Variants in HEATR5B observed in about 807,000 individuals in gnomAD.
The protein encoded by HEATR5B is HEAT repeat-containing protein 5B.
Under a neutral mutation model 224.1 loss-of-function variants are expected in HEATR5B, and 156 were observed. The observed-to-expected ratio is 0.70, with a 90% confidence interval of 0.61 to 0.80. The LOEUF is 0.80. HEATR5B is among the 30% of genes least tolerant of loss of function. The pLI, the probability that HEATR5B is intolerant of heterozygous loss-of-function variation, is 0.00. For synonymous variants in HEATR5B, 1,027 were observed against 893.0 expected (o/e 1.15, Z -2.68); for missense variants, 2,323 against 2,535.5 (o/e 0.92, Z 1.80).
chr2:37,023,358 G>A (rs1668580284), intron 24 of HEATR5B, among the ~76,000 whole-genome samples: 1 of 152,160 alleles, frequency 6.6e-6, no homozygotes, highest in South Asian at 2.1e-4. Context: ...TGATCCCCAA[G>A]CAGTTCCTAT....
In HEATR5B at chr2:37,005,738, C is replaced by T. The variant is rs1041914432; in HGVS notation, c.4799G>A (p.Cys1600Tyr). ...LILGVSIQFL[C>Y]SPRPEEPIEH... ...AATGGGCTCCTCAGGTCTAGGGGAA[C>T]AAAGAAACTGTATACTCACACCTGA... Residue 1600 changes from cysteine (C) to tyrosine (Y), a missense_variant, in exon 30 of 36, where the codon TGT becomes TAT. Physicochemically the swap from Cys to Tyr is radical, Grantham distance 194. Transcript: ENST00000233099. 6.3e-7 allele frequency: 1 copy of T among 1,595,450 alleles called. No homozygotes were observed. The highest frequency in any genetic ancestry group is 1.2e-5 in the South Asian group (1 of 86,860).
intron 35 of HEATR5B, among the ~76,000 whole-genome samples, chr2:36,987,725 T>C (rs976112903): frequency 6.6e-6 from 1 of 152,188 alleles, no homozygotes; most frequent in African/African-American, 2.4e-5. Flanking sequence ...CTGGTTATAT[T>C]TGTTATAAAG....
chr2:37,017,162 C>T (rs1668168345), intron 26 of HEATR5B, among the ~76,000 whole-genome samples: 1 of 152,126 alleles, frequency 6.6e-6, no homozygotes, highest in Admixed American at 6.6e-5. Context: ...GGCACGGTGG[C>T]TCACCTGAGG....
At chr2:37,080,801 G>A (rs1377624713) in intron 2 of HEATR5B, among the ~76,000 whole-genome samples, 2 of 151,728 alleles carry the variant, frequency 1.3e-5, no homozygotes, top group African/African-American at 2.4e-5. Flanking sequence ...GCCCTGAACT[G>A]AGGAAGAGTT....
At chr2:36,986,805 C>T (rs1048260963) in intron 35 of HEATR5B, among the ~76,000 whole-genome samples, 2 of 152,052 alleles carry the variant, frequency 1.3e-5, no homozygotes, top group Non-Finnish European at 2.9e-5. Context: ...TTAGTAGAGA[C>T]AGGGTTTCAT....
At chr2:37,054,286 C>T (rs576707713) in intron 16 of HEATR5B, among the ~76,000 whole-genome samples, 1 of 150,088 alleles carries the variant, frequency 6.7e-6, no homozygotes, top group East Asian at 2.0e-4. Context: ...TCTCCACCTC[C>T]CAGGTTCAAG....
At chr2:37,059,404 ATATG>A (rs1179285239) in intron 12 of HEATR5B, among the ~76,000 whole-genome samples, 304 of 106,968 alleles carry the variant, frequency 2.8e-3, no homozygotes, top group African/African-American at 8.5e-3. Context: ...ATATATATGT[ATATG>A]TGTGTGTGTG....
At chr2:36,998,868 C>T (rs1045258242) in intron 33 of HEATR5B, among the ~76,000 whole-genome samples, 3 of 151,858 alleles carry the variant, frequency 2.0e-5, no homozygotes, top group African/African-American at 7.3e-5. Context: ...ATAACTGACA[C>T]ATACTCATAT....
At chr2:36,997,402 T>C (rs1465106772) in intron 33 of HEATR5B, among the ~76,000 whole-genome samples, 1 of 152,000 alleles carries the variant, frequency 6.6e-6, no homozygotes, top group African/African-American at 2.4e-5. Context: ...TTGCCCAGAA[T>C]GGTCACAAAC....
intron 22 of HEATR5B, among the ~76,000 whole-genome samples, chr2:37,030,368 T>G (rs1669054093): frequency 6.6e-6 from 1 of 152,224 alleles, no homozygotes; most frequent in Admixed American, 6.5e-5. Flanking sequence ...ATAGTGAATA[T>G]TTTCCCATTT....
chr2:37,018,093 A>C (rs1297360630), intron 26 of HEATR5B, among the ~76,000 whole-genome samples: 1 of 152,200 alleles, frequency 6.6e-6, no homozygotes, highest in East Asian at 1.9e-4. Flanking sequence ...AGGAACTTGT[A>C]ACCTACTGCT....
At chr2:37,045,428 T>C (rs552216156) in intron 18 of HEATR5B, among the ~76,000 whole-genome samples, 13 of 152,196 alleles carry the variant, frequency 8.5e-5, no homozygotes, top group Non-Finnish European at 1.2e-4. Flanking sequence ...TAAGCTTTTT[T>C]AGGGTGGGTC....
chr2:37,001,636 T>G (rs1667096989), intron 32 of HEATR5B, among the ~76,000 whole-genome samples: 1 of 151,148 alleles, frequency 6.6e-6, no homozygotes, highest in South Asian at 2.1e-4. Context: ...AAAAAAAAAG[T>G]CTCCTCTGAC....
At chr2:37,022,575 A>G (rs919392531) in intron 24 of HEATR5B, among the ~76,000 whole-genome samples, 12 of 152,240 alleles carry the variant, frequency 7.9e-5, no homozygotes, top group Admixed American at 5.2e-4. Context: ...CTGTGCTCCA[A>G]TAAAACTTTA....
chr2:37,082,453 C>G (rs890837722), intron 2 of HEATR5B, among the ~76,000 whole-genome samples: 7 of 152,110 alleles, frequency 4.6e-5, no homozygotes, highest in Admixed American at 1.3e-4. Context: ...TGGGAACTGG[C>G]TCCAAAACTG....
chr2:37,059,402 G>GTA (rs1174989065), intron 12 of HEATR5B, among the ~76,000 whole-genome samples: 25 of 109,144 alleles, frequency 2.3e-4, no homozygotes, highest in African/African-American at 8.0e-4. Context: ...AGATATATAT[G>GTA]TATATGTGTG....
chr2:37,073,638 G>A (rs1348496964), intron 5 of HEATR5B, among the ~76,000 whole-genome samples: 1 of 152,168 alleles, frequency 6.6e-6, no homozygotes. Flanking sequence ...ACTACAAGAT[G>A]TTGCTAAGAG....
At chr2:37,029,456 G>T (rs946099848) in intron 22 of HEATR5B, among the ~76,000 whole-genome samples, 1 of 152,160 alleles carries the variant, frequency 6.6e-6, no homozygotes, top group Admixed American at 6.5e-5. Context: ...CTGAGATCAG[G>T]AGTTCGAGAC....
Position 37,013,880 on chromosome 2 carries a change from C to T in HEATR5B, c.4245G>A (p.Thr1415=), listed in dbSNP as rs1412726539. The T allele has an allele frequency of 9.3e-6, 15 of 1,609,796 alleles. No individual in the cohort carries two copies. Among genetic ancestry groups the T allele is most frequent in the Non-Finnish European group, 1.3e-5 (15 of 1,178,074 alleles). The change falls in exon 27 of 36, where the codon ACG becomes ACA. Residue 1415 remains threonine (T), a synonymous_variant. Coordinates refer to ENST00000233099, the MANE Select transcript of HEATR5B (RefSeq NM_019024.3). The stretch of plus-strand genomic sequence containing the variant: ...TGAGAACAGCCAGTTTTTCCATGGT[C>T]GTGGCACTCTCTCGGTACAGCTGGC... ...SSSQLYRESA[T]TMEKLAVLKA...
Sources: allele counts gnomAD v4.1 joint callset (sites outside exome capture counted in the v4.1 genomes callset), GRCh38; gene constraint gnomAD v4.1.1; transcripts MANE v1.5; gene names NCBI Gene and HGNC (gene_info 2026-07-23, HGNC 2026-07-21).